The following DOK5 variants were observed in gnomAD, a reference collection of about 807,000 sequenced individuals.
The protein encoded by DOK5 is docking protein 5, also known as downstream of tyrosine kinase 5.
DOK5 carries 27 observed loss-of-function variants against 43.3 expected under a neutral mutation model. The observed-to-expected ratio is 0.62, with a 90% CI of 0.46 to 0.86. The LOEUF (loss-of-function observed/expected upper bound fraction) is 0.86, where lower values mean the gene tolerates loss of function less well. DOK5 is among the 40% of genes least tolerant of loss of function. The pLI, the probability that DOK5 is intolerant of heterozygous loss-of-function variation, is 0.00. For missense variants in DOK5, 373 were observed against 392.9 expected (o/e 0.95, Z 0.43); for synonymous variants, 146 against 140.1 (o/e 1.04, Z -0.30).
chr20:54,489,502 T>G (rs547878837), intron 1 of DOK5, among the ~76,000 whole-genome samples: 1 of 152,310 alleles, frequency 6.6e-6, no homozygotes, highest in African/African-American at 2.4e-5. Flanking sequence ...TAGTGATATA[T>G]CATAGTTTTG....
In DOK5 at chr20:54,613,207, TCTCTCTCTCTCGTCAC is replaced by T. The variant is rs1986706828; in HGVS notation, c.735+2696_735+2711del. 2.0e-5 allele frequency among the ~76,000 whole-genome samples: 3 copies of T among 151,672 alleles called. No homozygotes were observed. In the South Asian group the frequency reaches 6.2e-4, roughly 32 times the overall value. On this transcript the variant is annotated intron_variant, in intron 6 of 7. Coordinates refer to ENST00000262593, the MANE Select transcript of DOK5 (RefSeq NM_018431.5). The stretch of plus-strand genomic sequence containing the variant: ...TCTGCGCCTCATCTCTCTCTCTCTC[TCTCTCTCTCTCGTCAC>T]CTCTCTCTCTCTCTCGCCATCTCTC...
intron 6 of DOK5, among the ~76,000 whole-genome samples, chr20:54,621,593 G>A (rs1363602641): frequency 6.6e-6 from 1 of 152,062 alleles, no homozygotes; most frequent in Non-Finnish European, 1.5e-5. Context: ...GGAGGCTGAG[G>A]CAGGAGAATC....
chr20:54,480,910 T>TATCTATCTATCTATCAATCATCTATC, intron 1 of DOK5, among the ~76,000 whole-genome samples: 1 of 143,998 alleles, frequency 6.9e-6, no homozygotes, highest in South Asian at 2.1e-4. Context: ...TCCATCTATC[T>TATCTATCTATCTATCAATCATCTATC]ATCTATCTAT....
chr20:54,552,883 C>A (rs1261913341), intron 1 of DOK5, among the ~76,000 whole-genome samples: 2 of 152,140 alleles, frequency 1.3e-5, no homozygotes, highest in African/African-American at 4.8e-5. Flanking sequence ...ACATTGCAGA[C>A]AAGTAGTAGT....
intron 6 of DOK5, among the ~76,000 whole-genome samples, chr20:54,614,443 T>C (rs1228522858): frequency 1.3e-5 from 2 of 152,224 alleles, no homozygotes; most frequent in African/African-American, 4.8e-5. Context: ...GTTGTGCGGC[T>C]ATTCCATTAG....
At chr20:54,493,882 T>G (rs755588087) in intron 1 of DOK5, among the ~76,000 whole-genome samples, 24 of 152,140 alleles carry the variant, frequency 1.6e-4, no homozygotes, top group Admixed American at 9.8e-4. Context: ...GAGGCTGCAG[T>G]GAGCCATGAT....
chr20:54,548,979 T>G (rs1221388655), intron 1 of DOK5, among the ~76,000 whole-genome samples: 1 of 152,152 alleles, frequency 6.6e-6, no homozygotes, highest in Non-Finnish European at 1.5e-5. Flanking sequence ...TCCTTCACTT[T>G]CTCTCTCAAA....
chr20:54,518,378 G>A (rs1414048788), intron 1 of DOK5, among the ~76,000 whole-genome samples: 1 of 151,522 alleles, frequency 6.6e-6, no homozygotes, highest in African/African-American at 2.4e-5. Context: ...TGTGGTGTTT[G>A]GTTTTTTGTC....
At chr20:54,554,535 G>T (rs28506968) in intron 1 of DOK5, among the ~76,000 whole-genome samples, 3,087 of 152,290 alleles carry the variant, frequency 0.02, 104 homozygotes, top group African/African-American at 0.07. Context: ...CAGATTCTAG[G>T]ATGGGCAATG....
At chr20:54,487,944 A>T (rs1018040839) in intron 1 of DOK5, among the ~76,000 whole-genome samples, 1 of 152,260 alleles carries the variant, frequency 6.6e-6, no homozygotes, top group African/African-American at 2.4e-5. Flanking sequence ...TTAGAAGAGC[A>T]ATTCAACTCT....
At chr20:54,547,296 C>T (rs902603406) in intron 1 of DOK5, among the ~76,000 whole-genome samples, 22 of 152,158 alleles carry the variant, frequency 1.4e-4, no homozygotes, top group African/African-American at 4.6e-4. Flanking sequence ...GAAAGTTTGC[C>T]AACTCCTGTG....
chr20:54,590,460 T>G (rs1025235480), intron 4 of DOK5, among the ~76,000 whole-genome samples: 3 of 152,200 alleles, frequency 2.0e-5, no homozygotes, highest in African/African-American at 7.2e-5. Context: ...AGATTGATAA[T>G]GATCTCTCTT....
In DOK5 at chr20:54,595,654, G is replaced by A. The variant is rs567326521; in HGVS notation, c.599+3849G>A. Among the ~76,000 whole-genome samples the A allele has an allele frequency of 1.8e-3, 272 of 152,284 alleles. 2 individuals are homozygous for A. The highest frequency in any genetic ancestry group is 3.4e-3 in the Non-Finnish European group (228 of 68,020). On this transcript the variant is annotated intron_variant, in intron 5 of 7. Transcript: ENST00000262593. ...CACTCAATGTTATATCTCCAATATCGTAGGGACATAGAATATTTATTGATT... is the reference window on the plus strand; with the variant it reads ...CACTCAATGTTATATCTCCAATATCATAGGGACATAGAATATTTATTGATT...
intron 2 of DOK5, among the ~76,000 whole-genome samples, chr20:54,583,971 C>G (rs1427221152): frequency 1.4e-5 from 2 of 147,194 alleles, no homozygotes; most frequent in African/African-American, 2.6e-5. Context: ...AAAACCTTGT[C>G]TCTACTAAAA....
At chr20:54,516,067 G>A (rs545693924) in intron 1 of DOK5, among the ~76,000 whole-genome samples, 12 of 152,266 alleles carry the variant, frequency 7.9e-5, no homozygotes, top group East Asian at 1.9e-4. Context: ...GCAGTGTGTC[G>A]TGTACCCTTA....
intron 1 of DOK5, among the ~76,000 whole-genome samples, chr20:54,509,591 A>G (rs1047730405): frequency 2.0e-5 from 3 of 152,170 alleles, no homozygotes; most frequent in Non-Finnish European, 4.4e-5. Context: ...TTTTACATTC[A>G]TTTTCTCATC....
At chr20:54,604,302 C>CTT (rs548292886) in intron 5 of DOK5, among the ~76,000 whole-genome samples, 5,302 of 143,796 alleles carry the variant, frequency 0.037, 234 homozygotes, top group African/African-American at 0.11. Context: ...ACATTCTGTG[C>CTT]TTTTTTTTTT....
chr20:54,540,824 CT>C (rs1354162452), intron 1 of DOK5, among the ~76,000 whole-genome samples: 2 of 152,066 alleles, frequency 1.3e-5, no homozygotes, highest in Admixed American at 6.5e-5. Flanking sequence ...GTGCCTGGCC[CT>C]AAGTACTTTA....
chr20:54,635,581 C>T (rs945853560), intron 6 of DOK5, among the ~76,000 whole-genome samples: 19 of 152,180 alleles, frequency 1.2e-4, no homozygotes, highest in African/African-American at 3.6e-4. Context: ...CTGGAAGCCC[C>T]CATTTGGAGT....
Sources: gnomAD v4.1 joint callset for allele counts (sites outside exome capture counted in the v4.1 genomes callset) on GRCh38, gnomAD v4.1.1 for gene constraint, MANE v1.5 for transcripts, NCBI Gene and HGNC (gene_info 2026-07-23, HGNC 2026-07-21) for gene names.